The following CHAT variants were observed in gnomAD, a reference collection of about 807,000 sequenced individuals.
CHAT encodes choline O-acetyltransferase.
Under a neutral mutation model 76.9 loss-of-function variants are expected in CHAT, and 61 were observed. The ratio of observed to expected loss-of-function variants is 0.79; its 90% CI spans 0.65 to 0.98. The LOEUF (loss-of-function observed/expected upper bound fraction) is 0.98, where lower values mean the gene tolerates loss of function less well. Ranked by LOEUF, CHAT falls within the 50% of genes least tolerant of loss-of-function variation. The probability of loss-of-function intolerance (pLI) is 0.00; values close to 1 mark genes in which losing one functional copy is unlikely to be tolerated. For missense variants in CHAT, 946 were observed against 986.9 expected, an observed-to-expected ratio of 0.96 and a Z score of 0.56; for synonymous variants, 407 against 397.4, an observed-to-expected ratio of 1.02 and a Z score of -0.29.
At chr10:49,622,468 A>G (rs1269753667) in intron 5 of CHAT, among the ~76,000 whole-genome samples, 1 of 152,180 alleles carries the variant, frequency 6.6e-6, no homozygotes, top group Non-Finnish European at 1.5e-5. Flanking sequence ...CGGGGAAGGA[A>G]GAGTTGTTAG....
chr10:49,631,557 G>A (rs866180224), intron 7 of CHAT, among the ~76,000 whole-genome samples: 18 of 152,364 alleles, frequency 1.2e-4, no homozygotes, highest in African/African-American at 3.8e-4. Context: ...TGAAGTGACA[G>A]ACAGGGTAAA....
rs1839751019 is a variant in CHAT, at chr10:49,648,420, A to G, written c.1282-87A>G. ...GTGTCCCTGGAGAAGAGGTGCCCTGAGAAGCCAGGGGCCTAACCTGGGGCC... is the reference window on the plus strand; with the variant it reads ...GTGTCCCTGGAGAAGAGGTGCCCTGGGAAGCCAGGGGCCTAACCTGGGGCC... On this transcript the variant is annotated intron_variant, in intron 8 of 14. Transcript: ENST00000337653. 6 of 926,092 alleles carry G rather than the reference A, an allele frequency of 6.5e-6. No homozygotes were observed. In the East Asian group the frequency reaches 1.5e-4, roughly 24 times the overall value. The allele number at this position is 926,092 out of a possible 1,614,324, so 57.4% of individuals were successfully genotyped here.
intron 7 of CHAT, among the ~76,000 whole-genome samples, chr10:49,630,444 C>T (rs1473514343): frequency 1.3e-5 from 2 of 152,168 alleles, no homozygotes; most frequent in African/African-American, 4.8e-5. Flanking sequence ...ACTGGGCTTA[C>T]TGAGGGTCAG....
intron 7 of CHAT, among the ~76,000 whole-genome samples, chr10:49,638,381 G>A (rs561877971): frequency 2.6e-4 from 40 of 152,146 alleles, no homozygotes; most frequent in East Asian, 1.3e-3. Flanking sequence ...ATGTTTTGTC[G>A]TATATTCCAT....
At position 49,666,050 on chromosome 10, in the gene CHAT, G is replaced by A. The variant is rs1840333694; in HGVS notation, c.*1004G>A. 6.6e-6 allele frequency among the ~76,000 whole-genome samples: 1 copy of A among 152,338 alleles called. No individual in the cohort carries two copies. Among genetic ancestry groups the A allele is most frequent in the East Asian group, 1.9e-4 (1 of 5,184 alleles). On this transcript the variant is annotated 3_prime_UTR_variant, in exon 15 of 15. Transcript: ENST00000337653. ...CTGACATTAATTTCAGAAATTCTTA[G>A]TGATTCAAGCAGGACCCTTAGGCAG...
intron 13 of CHAT, among the ~76,000 whole-genome samples, chr10:49,657,189 T>A (rs1235270300): frequency 1.3e-5 from 2 of 152,112 alleles, no homozygotes; most frequent in East Asian, 3.9e-4. Flanking sequence ...AGGTTCAGTG[T>A]CTGGCAAAGC....
Position 49,620,486 on chromosome 10 carries a change from C to G in CHAT, c.580-9C>G, listed in dbSNP as rs371756448. On this transcript the variant is annotated splice_polypyrimidine_tract_variant and intron_variant, in intron 3 of 14. Coordinates refer to ENST00000337653, the MANE Select transcript of CHAT (RefSeq NM_020549.5). Reference sequence around the variant, plus strand: ...GGGATGTGACGGCCTTCCCTGCCCTCCCCGGCAGGTGTCTGAGTACTGGCT... The same window carrying G: ...GGGATGTGACGGCCTTCCCTGCCCTGCCCGGCAGGTGTCTGAGTACTGGCT... The G allele has an allele frequency of 1.7e-4, 276 of 1,597,290 alleles. 1 individual carries two copies. Among genetic ancestry groups the G allele is most frequent in the Non-Finnish European group, 2.2e-4 (257 of 1,165,528 alleles).
In CHAT at chr10:49,655,123, G is replaced by T. The variant is rs757303526; in HGVS notation, c.1663G>T (p.Glu555Ter). 6.2e-6 allele frequency: 10 copies of T among 1,613,908 alleles called. No homozygotes were observed. The African/African-American group carries it at 9.3e-5, about 15-fold the overall frequency. Reference protein sequence around the residue: ...RLHRRLVPTYESASIRRFQEG... With the variant: ...RLHRRLVPTY ...CCATCGAAGACTGGTGCCCACCTACGAGAGCGCGTCCATCCGCCGATTCCA... is the reference window on the plus strand; with the variant it reads ...CCATCGAAGACTGGTGCCCACCTACTAGAGCGCGTCCATCCGCCGATTCCA... The change falls in exon 12 of 15, where the codon GAG (glutamate) becomes TAG (stop). Residue 555 changes from glutamate to a stop codon, truncating the protein, a stop_gained. Coordinates refer to ENST00000337653, the MANE Select transcript of CHAT (RefSeq NM_020549.5). LOFTEE classifies it high-confidence loss of function.
chr10:49,650,096 T>G (rs1447404056), intron 10 of CHAT, among the ~76,000 whole-genome samples: 1 of 152,164 alleles, frequency 6.6e-6, no homozygotes, highest in Non-Finnish European at 1.5e-5. Flanking sequence ...CAGGAGGGCC[T>G]GGGGCAGCAG....
chr10:49,610,470 C>T (rs1406958499), upstream of CHAT: 13 of 392,286 alleles, frequency 3.3e-5, no homozygotes, highest in South Asian at 1.2e-4. Flanking sequence ...TCTCCGGCCC[C>T]GGCCCCTCGG....
At position 49,627,773 on chromosome 10, in the gene CHAT, G is replaced by A. The variant is rs1476445996; in HGVS notation, c.1099G>A (p.Val367Ile). The A allele has an allele frequency of 1.2e-6, 2 of 1,613,640 alleles. No homozygotes were observed. The highest frequency in any genetic ancestry group is 1.3e-5 in the African/African-American group (1 of 74,938). ...GRSEWAEART[V>I]LVKDSTNRDS... ...GAGCGAGTGGGCCGAGGCCAGGACG[G>A]TCCTCGTGAAAGGTCAGCCGCAGTG... The change falls in exon 7 of 15, where the codon GTC becomes ATC. Residue 367 changes from valine (V) to isoleucine (I), a missense_variant. By Grantham distance (29) the Val-to-Ile change is conservative. Transcript: ENST00000337653.
rs989587990 is a variant in CHAT, at chr10:49,666,498, T to G, written c.*1452T>G. On this transcript the variant is annotated 3_prime_UTR_variant, in exon 15 of 15. Transcript: ENST00000337653. ...CTGCTCCACATCCCTCCAATCCTGC[T>G]GCTTCCTGCTGAGCACTCTGCTCTA... Among the ~76,000 whole-genome samples the G allele has an allele frequency of 1.1e-4, 16 of 152,212 alleles. No individual in the cohort carries two copies. Among genetic ancestry groups the G allele is most frequent in the Admixed American group, 6.5e-4 (10 of 15,278 alleles).
At chr10:49,620,074 G>A (rs550697516) in intron 3 of CHAT, among the ~76,000 whole-genome samples, 158 bp downstream of exon 3, 58 of 152,196 alleles carry the variant, frequency 3.8e-4, no homozygotes, top group African/African-American at 1.4e-3. Context: ...AGGTGGCATG[G>A]ATTGGAGGAC....
rs552285424 is a variant in CHAT at position 49,653,772 on chromosome 10, C to T, written c.1635-1323C>T. ...TCAGAGGGCATGGGGCCGAGATAGG[C>T]CGTGAGGTCAGCATCCTGCCAGAGC... On this transcript the variant is annotated intron_variant, in intron 11 of 14. Transcript: ENST00000337653. Among the ~76,000 whole-genome samples, 11 of 152,376 alleles carry T rather than the reference C, an allele frequency of 7.2e-5. No individual in the cohort carries two copies. In the South Asian group the frequency reaches 1.9e-3, roughly 26 times the overall value.
chr10:49,622,996 G>T (rs753962685), intron 5 of CHAT, among the ~76,000 whole-genome samples: 2 of 152,160 alleles, frequency 1.3e-5, no homozygotes, highest in Non-Finnish European at 2.9e-5. Flanking sequence ...AGAGGGGCAG[G>T]CAGAGCTCCC....
chr10:49,649,454 C>T, intron 9 of CHAT, 54 bp from the exon 10 acceptor site: 1 of 1,612,510 alleles, frequency 6.2e-7, no homozygotes. Flanking sequence ...AGAAGAGATG[C>T]CTCCCACAGC....
rs991244716 is a variant in CHAT, at chr10:49,614,369, C to T, written c.180C>T (p.His60=). The change falls in exon 1 of 15, where the codon CAC becomes CAT. Residue 60 remains histidine (H), a synonymous_variant. Coordinates refer to ENST00000337653, the MANE Select transcript of CHAT (RefSeq NM_020549.5). ...CCGGGAACCCAGGCTGCAGCCCCCA[C>T]CCCCGCGCTGCGACACGCCCCCCAC... ...GPAGNPGCSP[H]PRAATRPPPL... is the part of the protein sequence containing the mutation. The T allele has an allele frequency of 7.1e-6, 11 of 1,544,072 alleles. No homozygotes were observed. Among genetic ancestry groups the T allele is most frequent in the Non-Finnish European group, 8.7e-6 (10 of 1,144,120 alleles).
chr10:49,637,680 A>C (rs1332359887), intron 7 of CHAT: 5 of 152,324 alleles, frequency 3.3e-5, no homozygotes, highest in African/African-American at 4.8e-5. Context: ...CTTTTTATTC[A>C]TAAATTACCC....
At chr10:49,648,449 G>A in intron 8 of CHAT, 58 bp from the exon 9 acceptor site, 1 of 1,386,588 alleles carries the variant, frequency 7.2e-7, no homozygotes, top group Non-Finnish European at 1.0e-6. Flanking sequence ...TGGGGCCAAG[G>A]GGCTGCCTTG....
Sources: gnomAD v4.1 joint callset for allele counts (sites outside exome capture counted in the v4.1 genomes callset) on GRCh38, gnomAD v4.1.1 for gene constraint, MANE v1.5 for transcripts, NCBI Gene and HGNC (gene_info 2026-07-23, HGNC 2026-07-21) for gene names.